MCUB: variants seen among roughly 807,000 people sequenced by gnomAD.
MCUB encodes mitochondrial calcium uniporter dominant negative subunit beta.
A neutral mutation model predicts 41.4 loss-of-function variants in MCUB; 46 were observed. The ratio of observed to expected loss-of-function variants is 1.11; its 90% CI spans 0.88 to 1.42. The LOEUF is 1.42. Ranked by LOEUF, MCUB falls within the 40% of genes most tolerant of loss-of-function variation. The pLI is 0.00. For missense variants in MCUB, 403 were observed against 404.9 expected, an observed-to-expected ratio of 1.00 and a Z score of 0.04; for synonymous variants, 148 against 148.2, an observed-to-expected ratio of 1.00 and a Z score of 0.01.
chr4:109,659,843 A>C (rs1332515795), intron 2 of MCUB, among the ~76,000 whole-genome samples: 2 of 152,142 alleles, frequency 1.3e-5, no homozygotes, highest in Non-Finnish European at 2.9e-5. Flanking sequence ...TATTTTGTAG[A>C]GATGGGGTTT....
chr4:109,679,882 A>T (rs1203048669), intron 4 of MCUB, among the ~76,000 whole-genome samples: 1 of 151,760 alleles, frequency 6.6e-6, no homozygotes, highest in Non-Finnish European at 1.5e-5. Context: ...GCTCACTGCA[A>T]CCTCTGCCTT....
At chr4:109,631,424 C>G (rs1270124609) in intron 1 of MCUB, among the ~76,000 whole-genome samples, 1 of 152,158 alleles carries the variant, frequency 6.6e-6, no homozygotes, top group Non-Finnish European at 1.5e-5. Context: ...CTTCACATAG[C>G]TCTTTTTTAT....
Position 109,684,641 on chromosome 4 carries a change from C to A in MCUB, c.811C>A (p.Arg271=), listed in dbSNP as rs777235046. Residue 271 remains arginine (R), a synonymous_variant, in exon 6 of 8, where the codon CGA becomes AGA. Coordinates refer to ENST00000394650, the MANE Select transcript of MCUB (RefSeq NM_017918.5). ...CTTTTTTGCATACTTTATAGTCACT[C>A]GACAGGTGAGTAGTTTGTTAGGAAA... ...MVFFAYFIVT[R]QDYTYSAVKS... 1 of 1,417,922 alleles carries A rather than the reference C, an allele frequency of 7.1e-7. No homozygotes were observed. The highest frequency in any genetic ancestry group is 2.3e-5 in the East Asian group (1 of 43,746). 87.8% of individuals were successfully genotyped at this position (1,417,922 alleles called of 1,614,324 possible).
intron 4 of MCUB, among the ~76,000 whole-genome samples, chr4:109,666,821 A>C (rs1729355745): frequency 6.6e-6 from 1 of 152,104 alleles, no homozygotes; most frequent in African/African-American, 2.4e-5. Flanking sequence ...CAATTTTGTC[A>C]AATCTTTTTC....
intron 4 of MCUB, among the ~76,000 whole-genome samples, chr4:109,679,069 C>T (rs988010274): frequency 1.2e-4 from 18 of 149,706 alleles, no homozygotes; most frequent in Middle Eastern, 3.3e-3. Context: ...CAGGCAGAGG[C>T]GCTCCTCACT....
chr4:109,659,502 A>T (rs1248008664), intron 2 of MCUB, among the ~76,000 whole-genome samples: 2 of 152,120 alleles, frequency 1.3e-5, no homozygotes, highest in Non-Finnish European at 2.9e-5. Context: ...AGGTGGGAAG[A>T]TTGCTTGAGC....
At chr4:109,668,036 C>T (rs1465222983) in intron 4 of MCUB, among the ~76,000 whole-genome samples, 2 of 151,774 alleles carry the variant, frequency 1.3e-5, no homozygotes, top group Non-Finnish European at 2.9e-5. Flanking sequence ...TACATTTACT[C>T]ATGTGAGTTT....
Position 109,622,958 on chromosome 4 carries a change from T to G in MCUB, c.100-36053T>G, listed in dbSNP as rs925645860. On this transcript the variant is annotated intron_variant, in intron 1 of 7. Transcript: ENST00000394650. ...TGTGTGACTGGCGTTTCTTGGACAT[T>G]GTGTTTCGCGCTTTTGCATCCTGTC... Among the ~76,000 whole-genome samples, 5 of 152,316 alleles carry G rather than the reference T, an allele frequency of 3.3e-5. No individual in the cohort carries two copies. The East Asian group carries it at 5.8e-4, about 18-fold the overall frequency.
intron 3 of MCUB, among the ~76,000 whole-genome samples, chr4:109,663,447 A>G (rs72886526): frequency 0.025 from 3,831 of 152,234 alleles, 147 homozygotes; most frequent in African/African-American, 0.088. Context: ...TACTCCTAGG[A>G]TATTTGAAAT....
chr4:109,608,176 T>A (rs563822128), intron 1 of MCUB, among the ~76,000 whole-genome samples: 2 of 152,310 alleles, frequency 1.3e-5, no homozygotes, highest in South Asian at 4.1e-4. Context: ...AGTAAGAGAT[T>A]CTGATGCATT....
chr4:109,655,544 A>G (rs1579086018), intron 1 of MCUB, among the ~76,000 whole-genome samples: 1 of 152,146 alleles, frequency 6.6e-6, no homozygotes, highest in Non-Finnish European at 1.5e-5. Flanking sequence ...AGAAACTTCA[A>G]TCGCTCGTGA....
intron 1 of MCUB, among the ~76,000 whole-genome samples, chr4:109,569,324 G>T (rs923020645): frequency 1.3e-5 from 2 of 152,062 alleles, no homozygotes; most frequent in African/African-American, 4.8e-5. Context: ...GAGATTACAG[G>T]CGTTAGCCAC....
At chr4:109,642,424 G>A (rs763973877) in intron 1 of MCUB, among the ~76,000 whole-genome samples, 3 of 152,122 alleles carry the variant, frequency 2.0e-5, no homozygotes, top group Non-Finnish European at 2.9e-5. Flanking sequence ...TTGTGGCAGG[G>A]TAATTAAAGT....
intron 1 of MCUB, among the ~76,000 whole-genome samples, chr4:109,598,521 G>T (rs1727641596): frequency 6.6e-6 from 1 of 152,136 alleles, no homozygotes; most frequent in South Asian, 2.1e-4. Flanking sequence ...AGGCAGGGAG[G>T]TTGCAGTGAG....
chr4:109,582,542 A>G (rs1037427883), intron 1 of MCUB, among the ~76,000 whole-genome samples: 1 of 128,902 alleles, frequency 7.8e-6, no homozygotes, highest in Non-Finnish European at 1.6e-5. Flanking sequence ...AAAATTTAAA[A>G]AAAAAATCAC....
At chr4:109,641,241 C>T (rs1357483518) in intron 1 of MCUB, among the ~76,000 whole-genome samples, 2 of 151,308 alleles carry the variant, frequency 1.3e-5, no homozygotes, top group Admixed American at 6.6e-5. Flanking sequence ...TATGGGCGCC[C>T]GCCATAACAC....
chr4:109,601,888 A>G (rs197212), intron 1 of MCUB, among the ~76,000 whole-genome samples: 80,627 of 151,992 alleles, frequency 0.53, 21,697 homozygotes, highest in South Asian at 0.69. Context: ...CCACATCTTC[A>G]CCAACGTTTG....
intron 1 of MCUB, among the ~76,000 whole-genome samples, chr4:109,626,547 T>C (rs972365568): frequency 1.6e-4 from 25 of 152,064 alleles, no homozygotes; most frequent in African/African-American, 5.8e-4. Flanking sequence ...GCGCAGTGGC[T>C]CATGCCTGTA....
At chr4:109,665,645 C>G (rs1729327650) in intron 4 of MCUB, among the ~76,000 whole-genome samples, 1 of 152,028 alleles carries the variant, frequency 6.6e-6, no homozygotes, top group Non-Finnish European at 1.5e-5. Context: ...GGTTGTTATA[C>G]TATATTGTTT....
Sources: gnomAD v4.1 joint callset for allele counts (sites outside exome capture counted in the v4.1 genomes callset) on GRCh38, gnomAD v4.1.1 for gene constraint, MANE v1.5 for transcripts, NCBI Gene and HGNC (gene_info 2026-07-23, HGNC 2026-07-21) for gene names.